Variants in CHRNA7 observed in about 807,000 individuals in gnomAD.
CHRNA7 encodes neuronal acetylcholine receptor subunit alpha-7.
CHRNA7 carries 17 observed loss-of-function variants against 48.0 expected under a neutral mutation model. The observed-to-expected ratio is 0.35, with a 90% CI of 0.24 to 0.53. The LOEUF (loss-of-function observed/expected upper bound fraction) is 0.53. CHRNA7 is among the 20% of genes least tolerant of loss of function. The pLI, the probability that CHRNA7 is intolerant of heterozygous loss-of-function variation, is 0.92. For synonymous variants in CHRNA7, 75 were observed against 242.3 expected (o/e 0.31, Z 6.41); for missense variants, 155 against 577.7 (o/e 0.27, Z 7.50).
rs1381454287 is a variant in CHRNA7, at chr15:32,149,551, A to AG, written c.351-4355dup. The stretch of plus-strand genomic sequence containing the variant: ...TGCTCAAAACAGATAAAGTAGTATT[A>AG]GCACAAATCCATTACAAGAGTTTAC... On this transcript the variant is annotated intron_variant, in intron 4 of 9. Transcript: ENST00000306901. This position sits in a 1 kb window ranked among gnomAD's most constrained non-coding sequence, Gnocchi z 4.6. Among the ~76,000 whole-genome samples, 1 of 152,276 alleles carries AG rather than the reference A, an allele frequency of 6.6e-6. No individual in the cohort carries two copies. The highest frequency in any genetic ancestry group is 1.5e-5 in the Non-Finnish European group (1 of 68,044).
chr15:32,109,065 A>G (rs1432250665), intron 3 of CHRNA7, among the ~76,000 whole-genome samples: 2 of 152,180 alleles, frequency 1.3e-5, no homozygotes, highest in Non-Finnish European at 2.9e-5. Flanking sequence ...GAAAGAATTC[A>G]GGGCGTGAAA....
intron 4 of CHRNA7, among the ~76,000 whole-genome samples, chr15:32,146,036 C>T (rs2051481610): frequency 1.3e-5 from 2 of 152,158 alleles, no homozygotes; most frequent in African/African-American, 2.4e-5. Flanking sequence ...TGTTCTTATT[C>T]GGCCATCTTG....
intron 2 of CHRNA7, among the ~76,000 whole-genome samples, chr15:32,072,326 G>A (rs1426376621): frequency 3.3e-5 from 5 of 152,302 alleles, no homozygotes; most frequent in Non-Finnish European, 7.3e-5. Flanking sequence ...ATGCAGGAGC[G>A]AAGAAATGAC....
chr15:32,048,518 C>T (rs184003410), intron 2 of CHRNA7, among the ~76,000 whole-genome samples: 28 of 152,000 alleles, frequency 1.8e-4, no homozygotes, highest in African/African-American at 6.8e-4. Context: ...TGGTCATATC[C>T]CCTTTATCAT....
intron 4 of CHRNA7, among the ~76,000 whole-genome samples, chr15:32,139,297 A>G (rs2051333225): frequency 6.6e-6 from 1 of 152,224 alleles, no homozygotes; most frequent in Admixed American, 6.5e-5. Context: ...AAGTTTTAGC[A>G]ATTATGAATA....
chr15:32,156,680 G>A lies in CHRNA7; in HGVS notation c.431-928G>A, dbSNP rs968443555. ...CTAGCCTGGAATAGCTCTTTTCAGC[G>A]GAAACTCTTCCTTCAAGCACCATCT... On this transcript the variant is annotated intron_variant, in intron 5 of 9. Coordinates refer to ENST00000306901, the MANE Select transcript of CHRNA7 (RefSeq NM_000746.6). 8 of 85,518 alleles carry A rather than the reference G, an allele frequency of 9.4e-5. 2 individuals are homozygous for A. Among genetic ancestry groups the A allele is most frequent in the South Asian group, 7.5e-4 (2 of 2,684 alleles). 5.3% of individuals were successfully genotyped at this position (85,518 alleles called of 1,614,324 possible). A position where few individuals can be genotyped will look rare whatever the true frequency, so the allele number is the denominator to read the frequency against.
chr15:32,054,446 C>T (rs561810507), intron 2 of CHRNA7, among the ~76,000 whole-genome samples: 1 of 152,022 alleles, frequency 6.6e-6, no homozygotes, highest in African/African-American at 2.4e-5. Flanking sequence ...ATTCTTTAAC[C>T]CTATTCTAAA....
At chr15:32,112,866 G>A (rs2050786677) in intron 4 of CHRNA7, among the ~76,000 whole-genome samples, 1 of 149,642 alleles carries the variant, frequency 6.7e-6, no homozygotes, top group South Asian at 2.1e-4. Context: ...CTGGGGGCCG[G>A]CCACATTTCA....
At chr15:32,140,850 A>T (rs1365104818) in intron 4 of CHRNA7, among the ~76,000 whole-genome samples, 1 of 151,678 alleles carries the variant, frequency 6.6e-6, no homozygotes, top group African/African-American at 2.4e-5. Flanking sequence ...GATTGCAAAA[A>T]TTTTCTCCCA....
intron 2 of CHRNA7, among the ~76,000 whole-genome samples, chr15:32,074,870 A>C (rs2050113258): frequency 6.6e-6 from 1 of 152,008 alleles, no homozygotes; most frequent in African/African-American, 2.4e-5. Context: ...CCTAGTCTTG[A>C]ACTCCTGACC....
chr15:32,112,961 T>C (rs1031700627), intron 4 of CHRNA7, among the ~76,000 whole-genome samples: 1 of 152,200 alleles, frequency 6.6e-6, no homozygotes, highest in Non-Finnish European at 1.5e-5. Context: ...TTCAGACAAC[T>C]GAGCTTTGAA....
At chr15:32,055,028 C>G (rs756158009) in intron 2 of CHRNA7, among the ~76,000 whole-genome samples, 1 of 152,200 alleles carries the variant, frequency 6.6e-6, no homozygotes, top group Admixed American at 6.5e-5. Context: ...ATTCTTGTTG[C>G]TCTACATACT....
chr15:32,120,996 C>G (rs924821631), intron 4 of CHRNA7, among the ~76,000 whole-genome samples: 2 of 152,154 alleles, frequency 1.3e-5, no homozygotes, highest in African/African-American at 2.4e-5. Context: ...GCTGTGGGGT[C>G]CCTGCGCGTG....
chr15:32,075,662 G>T (rs1176909952), intron 2 of CHRNA7, among the ~76,000 whole-genome samples: 1 of 151,750 alleles, frequency 6.6e-6, no homozygotes, highest in Non-Finnish European at 1.5e-5. Context: ...TTGTATCATT[G>T]ATTTTCTCTA....
chr15:32,098,022 A>G (rs79949312), intron 2 of CHRNA7, among the ~76,000 whole-genome samples: 4,236 of 152,346 alleles, frequency 0.028, 81 homozygotes, highest in South Asian at 0.054. Context: ...CCTGCCCTGA[A>G]TGTCCTTCTG....
intron 3 of CHRNA7, among the ~76,000 whole-genome samples, chr15:32,105,179 A>G (rs1414833314): frequency 6.6e-6 from 1 of 152,158 alleles, no homozygotes; most frequent in Non-Finnish European, 1.5e-5. Context: ...TTTGTTTGAA[A>G]ACTCACCTTT....
chr15:32,089,781 G>A (rs2050353954), intron 2 of CHRNA7, among the ~76,000 whole-genome samples: 1 of 152,106 alleles, frequency 6.6e-6, no homozygotes, highest in African/African-American at 2.4e-5. Context: ...AAGCAGAAAT[G>A]GTCATGACAT....
At chr15:32,073,232 T>C (rs1005322831) in intron 2 of CHRNA7, among the ~76,000 whole-genome samples, 3 of 152,192 alleles carry the variant, frequency 2.0e-5, no homozygotes, top group Non-Finnish European at 4.4e-5. Flanking sequence ...GAGGTTATAT[T>C]GGAGCTTGAA....
intron 2 of CHRNA7, among the ~76,000 whole-genome samples, chr15:32,085,350 C>T (rs1313866593): frequency 6.6e-6 from 1 of 152,174 alleles, no homozygotes; most frequent in Non-Finnish European, 1.5e-5. Flanking sequence ...TGTGATAGAT[C>T]ATTAGCCGTC....
Sources: gnomAD v4.1 joint callset for allele counts (sites outside exome capture counted in the v4.1 genomes callset) on GRCh38, gnomAD v4.1.1 for gene constraint, Gnocchi (gnomAD v3.1) non-coding constraint, MANE v1.5 for transcripts, NCBI Gene and HGNC (gene_info 2026-07-23, HGNC 2026-07-21) for gene names.